ACOT9: variants seen among roughly 807,000 people sequenced by gnomAD.
ACOT9 encodes the protein acyl-CoA thioesterase 9.
Under a neutral mutation model 39.7 loss-of-function variants are expected in ACOT9, and 34 were observed. The ratio of observed to expected loss-of-function variants is 0.86; its 90% confidence interval spans 0.65 to 1.14. ACOT9 has a LOEUF of 1.14. Ranked by LOEUF, ACOT9 falls within the 50% of genes most tolerant of loss-of-function variation. The pLI, the probability that ACOT9 is intolerant of heterozygous loss-of-function variation, is 0.00. For synonymous variants in ACOT9, 110 were observed against 120.5 expected, an observed-to-expected ratio of 0.91 and a Z score of 0.57; for missense variants, 313 against 344.1, an observed-to-expected ratio of 0.91 and a Z score of 0.71.
Position 23,715,965 on chromosome X carries a change from T to C in ACOT9, c.589-2757A>G, listed in dbSNP as rs571755894. Among the ~76,000 whole-genome samples the C allele has an allele frequency of 6.9e-4, 77 of 112,102 alleles. 1 individual carries two copies. Among genetic ancestry groups the C allele is most frequent in the African/African-American group, 2.4e-3 (73 of 30,890 alleles). On this transcript the variant is annotated intron_variant, in intron 8 of 15. Coordinates refer to ENST00000379303, the MANE Select transcript of ACOT9 (RefSeq NM_001037171.2). Reference sequence around the variant, plus strand: ...TAAATGAATGTTAAATGAATGGATGTCAGGAAGTGAGCTAGGTGACTCAAA... The same window carrying C: ...TAAATGAATGTTAAATGAATGGATGCCAGGAAGTGAGCTAGGTGACTCAAA...
rs774684665 is a variant in ACOT9, at chrX:23,731,915, T to C, written c.192-929A>G. 2.0e-4 allele frequency among the ~76,000 whole-genome samples: 23 copies of C among 112,299 alleles called. No homozygotes were observed. The South Asian group carries it at 8.3e-3, about 41-fold the overall frequency. On this transcript the variant is annotated intron_variant, in intron 4 of 15. Transcript: ENST00000379303. ...GACAAGGGGATACGGAACGACAATGTTGATAAGAACATTAGCTAAGATGTC... is the reference window on the plus strand; with the variant it reads ...GACAAGGGGATACGGAACGACAATGCTGATAAGAACATTAGCTAAGATGTC...
intron 9 of ACOT9, among the ~76,000 whole-genome samples, 185 bp downstream of exon 9, chrX:23,712,950 C>T (rs2048190355): frequency 8.9e-6 from 1 of 111,743 alleles, no homozygotes; most frequent in East Asian, 2.8e-4. Context: ...TAAAAGATGC[C>T]CGAAGTATTT....
chrX:23,727,579 T>G, intron 6 of ACOT9, among the ~76,000 whole-genome samples: 1 of 109,790 alleles, frequency 9.1e-6, no homozygotes, highest in Non-Finnish European at 1.9e-5. Flanking sequence ...CCTGCCTCGA[T>G]CTCCCAAAGT....
chrX:23,734,981 C>CAAAAAAA (rs56047011), intron 2 of ACOT9, among the ~76,000 whole-genome samples: 1 of 29,766 alleles, frequency 3.4e-5, no homozygotes, highest in African/African-American at 1.7e-4. Flanking sequence ...GACTTCATCT[C>CAAAAAAA]AAAAAAAAAA....
At chrX:23,736,077 A>T in intron 1 of ACOT9, 61 bp from the exon 2 acceptor site, 1 of 950,033 alleles carries the variant, frequency 1.1e-6, no homozygotes, top group East Asian at 3.1e-5. Flanking sequence ...AACCCTAAAG[A>T]CCTACCCTCC....
intron 15 of ACOT9, 121 bp from the exon 16 acceptor site, chrX:23,704,103 G>A (rs750793867): frequency 8.9e-5 from 48 of 536,638 alleles, no homozygotes; most frequent in African/African-American, 4.9e-4. Flanking sequence ...CTGTTGGGCC[G>A]GGGTGTGCCA....
intron 8 of ACOT9, among the ~76,000 whole-genome samples, chrX:23,720,626 A>G (rs1160959876): frequency 9.0e-6 from 1 of 111,647 alleles, no homozygotes; most frequent in African/African-American, 3.3e-5. Flanking sequence ...CAGACAAGGA[A>G]GGCTTCTCTC....
intron 8 of ACOT9, among the ~76,000 whole-genome samples, chrX:23,721,445 A>G (rs1248912780): frequency 2.0e-5 from 2 of 98,590 alleles, no homozygotes; most frequent in Non-Finnish European, 4.0e-5. Flanking sequence ...TGTTTTATTT[A>G]TATTATTTTT....
rs374889141 is a variant in ACOT9, at chrX:23,724,309, C to T, written c.401-1556G>A. Among the ~76,000 whole-genome samples, 9 of 111,328 alleles carry T rather than the reference C, an allele frequency of 8.1e-5. No individual in the cohort carries two copies. In the East Asian group the frequency reaches 1.1e-3, roughly 14 times the overall value. ...AGAAAAGAATGGGCCATTTTCAATG[C>T]GTTGAATTTGAAGAGCCTATGGCAC... On this transcript the variant is annotated intron_variant, in intron 6 of 15. Coordinates refer to ENST00000379303, the MANE Select transcript of ACOT9 (RefSeq NM_001037171.2).
At chrX:23,718,659 A>G (rs1193794418) in intron 8 of ACOT9, among the ~76,000 whole-genome samples, 1 of 111,134 alleles carries the variant, frequency 9.0e-6, no homozygotes, top group Non-Finnish European at 1.9e-5. Flanking sequence ...TAATCCCAGC[A>G]CTTTGGGAGG....
At chrX:23,727,291 G>C (rs1465090859) in intron 6 of ACOT9, among the ~76,000 whole-genome samples, 1 of 111,940 alleles carries the variant, frequency 8.9e-6, no homozygotes, top group Non-Finnish European at 1.9e-5. Flanking sequence ...GCCATCAACA[G>C]AAGTTAATGA....
chrX:23,722,441 G>A (rs942115137), intron 7 of ACOT9, among the ~76,000 whole-genome samples: 2 of 110,146 alleles, frequency 1.8e-5, no homozygotes, highest in African/African-American at 6.6e-5. Context: ...GCACATGCCT[G>A]TAATCTCAGC....
intron 10 of ACOT9, among the ~76,000 whole-genome samples, chrX:23,707,416 T>C (rs979891856): frequency 1.8e-5 from 2 of 111,568 alleles, no homozygotes; most frequent in Non-Finnish European, 3.8e-5. Flanking sequence ...GAATAGCATA[T>C]TTTTAATTTC....
At chrX:23,706,140 C>T (rs967918751) in intron 11 of ACOT9, among the ~76,000 whole-genome samples, 11 of 110,576 alleles carry the variant, frequency 9.9e-5, no homozygotes, top group Non-Finnish European at 1.9e-5. Context: ...GTGGCGGGCG[C>T]CTGTAATCCC....
chrX:23,728,090 T>G (rs1929599497), intron 6 of ACOT9, among the ~76,000 whole-genome samples: 2 of 110,339 alleles, frequency 1.8e-5, no homozygotes, highest in South Asian at 7.8e-4. Flanking sequence ...GCCCAGGAGT[T>G]CACGAAAAAC....
At chrX:23,724,491 GC>G (rs1929437308) in intron 6 of ACOT9, among the ~76,000 whole-genome samples, 1 of 109,348 alleles carries the variant, frequency 9.1e-6, no homozygotes, top group Non-Finnish European at 1.9e-5. Flanking sequence ...TAAAAATTAG[GC>G]CAGGCATGGT....
At position 23,729,766 on chromosome X, in the gene ACOT9, G is replaced by A. The variant is rs755559086; in HGVS notation, c.400+761C>T. Among the ~76,000 whole-genome samples the A allele has an allele frequency of 7.2e-5, 8 of 111,137 alleles. No homozygotes were observed. In the South Asian group the frequency reaches 2.3e-3, roughly 31 times the overall value. On this transcript the variant is annotated intron_variant, in intron 6 of 15. Transcript: ENST00000379303. ...CCTGCCTCAGCCTCCTGAATAGCTG[G>A]GACTACAGGCGTATGCCACCACGCC...
At chrX:23,716,086 A>G (rs1929067764) in intron 8 of ACOT9, among the ~76,000 whole-genome samples, 2 of 111,896 alleles carry the variant, frequency 1.8e-5, no homozygotes, top group African/African-American at 6.5e-5. Context: ...CCAGGAGAGC[A>G]AGTCAAAGAG....
rs1929862284 is a variant in ACOT9, at chrX:23,734,344, G to C, written c.142C>G (p.His48Asp). The change falls in exon 3 of 16, where the codon CAT becomes GAT. Residue 48 changes from histidine (H) to aspartate (D), a missense_variant. Physicochemically the swap from His to Asp is moderately conservative, Grantham distance 81. Coordinates refer to ENST00000379303, the MANE Select transcript of ACOT9 (RefSeq NM_001037171.2). The part of the protein sequence containing the change: ...HEACSSIHVN[H>D]VRDKLREIVG... ...TGATACTAATTACCACACACACCAT[G>C]ATTCACATGTATAGATGAACATGCT... The C allele has an allele frequency of 8.4e-7, 1 of 1,194,422 alleles. No homozygotes were observed. Among genetic ancestry groups the C allele is most frequent in the Admixed American group, 2.3e-5 (1 of 43,743 alleles).
Sources: gnomAD v4.1 joint callset for allele counts (sites outside exome capture counted in the v4.1 genomes callset) on GRCh38, gnomAD v4.1.1 for gene constraint, MANE v1.5 for transcripts, NCBI Gene and HGNC (gene_info 2026-07-23, HGNC 2026-07-21) for gene names.